Variants in MACC1 observed in about 807,000 individuals in gnomAD.
MACC1 encodes metastasis-associated in colon cancer protein 1.
Under a neutral mutation model 70.7 loss-of-function variants are expected in MACC1, and 79 were observed. That is an observed-to-expected ratio of 1.12 (90% confidence interval 0.93 to 1.35). The LOEUF (loss-of-function observed/expected upper bound fraction) is 1.35. Among genes scored for constraint, MACC1 ranks in the 40% most tolerant of loss-of-function variants. The pLI, the probability that MACC1 is intolerant of heterozygous loss-of-function variation, is 0.00. For missense variants in MACC1, 1,106 were observed against 978.1 expected, an observed-to-expected ratio of 1.13 and a Z score of -1.74; for synonymous variants, 361 against 347.2, an observed-to-expected ratio of 1.04 and a Z score of -0.44.
In MACC1 at chr7:20,158,271, A is replaced by T. The variant is rs766991533; in HGVS notation, c.2090T>A (p.Ile697Lys). 1.9e-6 allele frequency: 3 copies of T among 1,609,782 alleles called. No homozygotes were observed. The South Asian group carries it at 3.3e-5, about 18-fold the overall frequency. ...GTGGCAATCTTCCTTTAACTTCTTT[A>T]TAACATAAGAAACTTTCTCTGATTC... is the stretch of plus-strand genomic sequence containing the variant. ...DKESEKVSYV[I>K]KKLKEDCHTE... The change falls in exon 5 of 7, where the codon ATA (isoleucine) becomes AAA (lysine). Residue 697 changes from isoleucine to lysine, a missense_variant. Ile to Lys is a moderately radical substitution (Grantham distance 102, BLOSUM62 -3). Coordinates refer to ENST00000400331, the MANE Select transcript of MACC1 (RefSeq NM_182762.4).
chr7:20,170,653 C>T (rs574580131), intron 2 of MACC1, 61 bp downstream of exon 2: 3 of 152,320 alleles, frequency 2.0e-5, no homozygotes, highest in African/African-American at 4.8e-5. Flanking sequence ...TGGAATTAAT[C>T]GTAAGATTCC....
chr7:20,158,393 C>T lies in MACC1; in HGVS notation c.1968G>A (p.Leu656=), dbSNP rs1429195376. 8 of 1,613,498 alleles carry T rather than the reference C, an allele frequency of 5.0e-6. No individual in the cohort carries two copies. Among genetic ancestry groups the T allele is most frequent in the African/African-American group, 1.3e-5 (1 of 74,878 alleles). Residue 656 remains leucine (L), a synonymous_variant, in exon 5 of 7, where the codon TTG becomes TTA. Coordinates refer to ENST00000400331, the MANE Select transcript of MACC1 (RefSeq NM_182762.4). ...LTYIYSVVLT[L]VSEKVYDWKV... is the part of the protein sequence containing the mutation. ...TCCAATCATAAACTTTTTCTGACAC[C>T]AAGGTTAATACAACTGAGTAGATAT...
rs2128099500 is a variant in MACC1, at chr7:20,140,699, C to T, written c.*247G>A. 2.7e-6 allele frequency: 1 copy of T among 376,556 alleles called. No homozygotes were observed. Among genetic ancestry groups the T allele is most frequent in the East Asian group, 4.0e-5 (1 of 24,810 alleles). The allele number at this position is 376,556 out of a possible 1,614,324, so 23.3% of individuals were successfully genotyped here. On this transcript the variant is annotated 3_prime_UTR_variant, in exon 7 of 7. Transcript: ENST00000400331. ...CAAAAATACATATTTGAGGATAAAA[C>T]CCATCTTGGTTATCAGTTAGGCTGT...
At chr7:20,166,947 T>A (rs1782229441) in intron 2 of MACC1, among the ~76,000 whole-genome samples, 1 of 152,180 alleles carries the variant, frequency 6.6e-6, no homozygotes. Flanking sequence ...AGCTTAGTGA[T>A]GTAGTCAAGG....
At chr7:20,157,433 G>A (rs938779320) in intron 5 of MACC1, among the ~76,000 whole-genome samples, 55 of 151,810 alleles carry the variant, frequency 3.6e-4, no homozygotes, top group African/African-American at 1.3e-3. Flanking sequence ...TGTTTAGGCT[G>A]TAATGCATTG....
chr7:20,157,766 C>CAAAAAAA (rs370288319), intron 5 of MACC1, among the ~76,000 whole-genome samples: 2 of 53,892 alleles, frequency 3.7e-5, no homozygotes, highest in African/African-American at 6.1e-5. Context: ...GACTTTGTCT[C>CAAAAAAA]AAAAAAAAAA....
intron 2 of MACC1, among the ~76,000 whole-genome samples, chr7:20,168,341 A>G (rs574208852): frequency 1.0e-3 from 154 of 152,350 alleles, no homozygotes; most frequent in African/African-American, 3.5e-3. Context: ...ACAACTTCAA[A>G]TAAAAGCAAC....
At chr7:20,205,002 C>T (rs771550674) in intron 1 of MACC1, among the ~76,000 whole-genome samples, 18 of 151,912 alleles carry the variant, frequency 1.2e-4, no homozygotes, top group Non-Finnish European at 2.4e-4. Flanking sequence ...AATTTAGATA[C>T]CATGGTTATC....
chr7:20,159,689 T>C lies in MACC1; in HGVS notation c.672A>G (p.Ser224=). 2.5e-6 allele frequency: 4 copies of C among 1,614,192 alleles called. No homozygotes were observed. Among genetic ancestry groups the C allele is most frequent in the African/African-American group, 1.3e-5 (1 of 75,064 alleles). Reference sequence around the variant, plus strand: ...TGATGTCTGATTCAGGTAATTGTACTGACCCTCCTTGATGGTTTACTTTGC... The same window carrying C: ...TGATGTCTGATTCAGGTAATTGTACCGACCCTCCTTGATGGTTTACTTTGC... ...IACKVNHQGG[S]VQLPESDITV... The change falls in exon 5 of 7, where the codon TCA becomes TCG. Residue 224 remains serine, a synonymous_variant. Transcript: ENST00000400331.
At chr7:20,209,235 A>C (rs1014532680) in intron 1 of MACC1, among the ~76,000 whole-genome samples, 8 of 152,204 alleles carry the variant, frequency 5.3e-5, no homozygotes, top group Non-Finnish European at 1.0e-4. Context: ...GTCCTCCAGG[A>C]CCAAGAATGG....
Position 20,179,471 on chromosome 7 carries a change from G to A in MACC1, c.-217-8693C>T, listed in dbSNP as rs2128105669. On this transcript the variant is annotated intron_variant, in intron 1 of 6. Transcript: ENST00000400331. ...CTGTGCTCTCTTCTCTCTGTCCAGT[G>A]GATTTCGGTTGCCTCCATTGGGCTT... Among the ~76,000 whole-genome samples, 3 of 152,286 alleles carry A rather than the reference G, an allele frequency of 2.0e-5. No individual in the cohort carries two copies. The South Asian group carries it at 6.2e-4, about 32-fold the overall frequency.
chr7:20,156,342 GTC>G (rs1231104731), intron 5 of MACC1, among the ~76,000 whole-genome samples: 1 of 152,114 alleles, frequency 6.6e-6, no homozygotes, highest in Non-Finnish European at 1.5e-5. Flanking sequence ...CTTGAATGGA[GTC>G]TCTACTAGAT....
At chr7:20,175,835 C>CA (rs1388051828) in intron 1 of MACC1, among the ~76,000 whole-genome samples, 3 of 152,110 alleles carry the variant, frequency 2.0e-5, no homozygotes, top group Non-Finnish European at 4.4e-5. Flanking sequence ...GAAGCTGGAG[C>CA]AGCCTTAAAT....
intron 1 of MACC1, among the ~76,000 whole-genome samples, chr7:20,200,024 T>C (rs149308215): frequency 8.3e-6 from 1 of 120,060 alleles, no homozygotes; most frequent in East Asian, 2.0e-4. Flanking sequence ...TATACCATTA[T>C]GTGTGTGTGT....
intron 6 of MACC1, among the ~76,000 whole-genome samples, chr7:20,147,044 G>C (rs937986308): frequency 1.3e-5 from 2 of 152,186 alleles, no homozygotes; most frequent in Non-Finnish European, 2.9e-5. Flanking sequence ...GTTTTCCAAA[G>C]TTCAAGCTTT....
At chr7:20,202,378 A>G (rs1244415432) in intron 1 of MACC1, among the ~76,000 whole-genome samples, 1 of 152,200 alleles carries the variant, frequency 6.6e-6, no homozygotes, top group Non-Finnish European at 1.5e-5. Context: ...AGAAATTTCT[A>G]GATTTCAGAA....
At chr7:20,178,882 G>A (rs539020272) in intron 1 of MACC1, among the ~76,000 whole-genome samples, 2 of 152,268 alleles carry the variant, frequency 1.3e-5, no homozygotes, top group African/African-American at 4.8e-5. Context: ...TTACAGATGT[G>A]AGCCATCATG....
At chr7:20,170,677 C>T (rs1446283194) in intron 2 of MACC1, 37 bp downstream of exon 2, 1 of 152,122 alleles carries the variant, frequency 6.6e-6, no homozygotes, top group African/African-American at 2.4e-5. Context: ...CATTCTTTGC[C>T]AAGAGAAAAA....
At chr7:20,190,014 C>G (rs1782649428) in intron 1 of MACC1, among the ~76,000 whole-genome samples, 2 of 152,124 alleles carry the variant, frequency 1.3e-5, no homozygotes, top group South Asian at 2.1e-4. Flanking sequence ...GTGTCCTCTT[C>G]TTAGAAGGGC....
Sources: allele counts gnomAD v4.1 joint callset (sites outside exome capture counted in the v4.1 genomes callset), GRCh38; gene constraint gnomAD v4.1.1; transcripts MANE v1.5; gene names NCBI Gene and HGNC (gene_info 2026-07-23, HGNC 2026-07-21).